The following GFM1 variants were observed in gnomAD, a reference collection of about 807,000 sequenced individuals.
GFM1 encodes G elongation factor mitochondrial 1.
GFM1 carries 62 observed loss-of-function variants against 96.2 expected under a neutral mutation model. The observed-to-expected ratio is 0.64, with a 90% CI of 0.53 to 0.80. The LOEUF (loss-of-function observed/expected upper bound fraction) is 0.80, where lower values mean the gene tolerates loss of function less well. Ranked by LOEUF, GFM1 falls within the 30% of genes least tolerant of loss-of-function variation. GFM1 has a pLI of 0.00. For synonymous variants in GFM1, 282 were observed against 312.9 expected (o/e 0.90, Z 1.04); for missense variants, 852 against 916.6 (o/e 0.93, Z 0.91).
chr3:158,658,943 A>G lies in GFM1; in HGVS notation c.1105A>G (p.Thr369Ala). The change falls in exon 9 of 18, where the codon ACT (threonine) becomes GCT (alanine). Residue 369 changes from threonine (T) to alanine (A), a missense_variant. Coordinates refer to ENST00000486715, the MANE Select transcript of GFM1 (RefSeq NM_024996.7). ...CTAGGTAGGTCGATTTGGACAATTA[A>G]CTTATGTTCGCAGTTATCAGGGAGA... ...KLEVGRFGQL[T>A]YVRSYQGELK... The G allele has an allele frequency of 3.7e-6, 6 of 1,614,172 alleles. No individual in the cohort carries two copies. Among genetic ancestry groups the G allele is most frequent in the Non-Finnish European group, 5.1e-6 (6 of 1,180,026 alleles).
chr3:158,646,684 T>G (rs1721831580), intron 3 of GFM1, 59 bp from the exon 4 acceptor site: 1 of 1,360,562 alleles, frequency 7.3e-7, no homozygotes, highest in East Asian at 2.4e-5. Flanking sequence ...CTTCTAATAG[T>G]GCATATATTA....
chr3:158,672,312 T>C, intron 13 of GFM1: 1 of 1,609,692 alleles, frequency 6.2e-7, no homozygotes, highest in Non-Finnish European at 8.5e-7. Flanking sequence ...AGCGCAATCC[T>C]GAAGCCTCTG....
In GFM1 at chr3:158,682,020, T is replaced by A; in HGVS notation, c.1627T>A (p.Ser543Thr). 6.2e-7 allele frequency: 1 copy of A among 1,613,438 alleles called. No individual in the cohort carries two copies. The highest frequency in any genetic ancestry group is 1.1e-5 in the South Asian group (1 of 90,992). Residue 543 changes from serine to threonine, a missense_variant, in exon 14 of 18, where the codon TCA (serine) becomes ACA (threonine). Physicochemically the swap from Ser to Thr is moderately conservative, Grantham distance 58. Coordinates refer to ENST00000486715, the MANE Select transcript of GFM1 (RefSeq NM_024996.7). Reference sequence around the variant, plus strand: ...GTTTGACTTTACACATAAAAAACAATCAGGTGGTGCAGGCCAGTATGGAAA... The same window carrying A: ...GTTTGACTTTACACATAAAAAACAAACAGGTGGTGCAGGCCAGTATGGAAA... ...VPFDFTHKKQ[S>T]GGAGQYGKVI...
Position 158,649,116 on chromosome 3 carries a change from T to C in GFM1, c.648T>C (p.Asp216=). The C allele has an allele frequency of 6.5e-7, 1 of 1,532,406 alleles. No homozygotes were observed. The highest frequency in any genetic ancestry group is 9.0e-7 in the Non-Finnish European group (1 of 1,106,354). The allele number at this position is 1,532,406 out of a possible 1,614,324, so 94.9% of individuals were successfully genotyped here. ...AGGGTAATTTTAAAGGTATTGTAGATCTTATTGAGGAACGAGCCATCTATT... is the reference window on the plus strand; with the variant it reads ...AGGGTAATTTTAAAGGTATTGTAGACCTTATTGAGGAACGAGCCATCTATT... The part of the protein sequence containing the change: ...GLEGNFKGIV[D]LIEERAIYFD... The change falls in exon 5 of 18, where the codon GAT becomes GAC. Residue 216 remains aspartate (D), a synonymous_variant. Coordinates refer to ENST00000486715, the MANE Select transcript of GFM1 (RefSeq NM_024996.7).
At chr3:158,654,232 T>C (rs1722550651) in intron 7 of GFM1, among the ~76,000 whole-genome samples, 1 of 144,166 alleles carries the variant, frequency 6.9e-6, no homozygotes, top group Non-Finnish European at 1.5e-5. Context: ...TTTTTTTTGT[T>C]GAGACAAAGT....
At chr3:158,690,900 C>T (rs978428482) in intron 16 of GFM1, among the ~76,000 whole-genome samples, 3 of 152,220 alleles carry the variant, frequency 2.0e-5, no homozygotes, top group African/African-American at 4.8e-5. Flanking sequence ...CAATGGTGTT[C>T]ACTCCACGAA....
chr3:158,691,361 A>T lies in GFM1; in HGVS notation c.2150A>T (p.Tyr717Phe), dbSNP rs1726303642. 1 of 1,613,900 alleles carries T rather than the reference A, an allele frequency of 6.2e-7. No homozygotes were observed. The highest frequency in any genetic ancestry group is 1.7e-5 in the Admixed American group (1 of 60,024). Residue 717 changes from tyrosine (Y) to phenylalanine (F), a missense_variant, in exon 18 of 18, where the codon TAT (tyrosine) becomes TTT (phenylalanine). Coordinates refer to ENST00000486715, the MANE Select transcript of GFM1 (RefSeq NM_024996.7). ...GGAAAGGGAGAATACACAATGGAGTATAGCAGGTATCAGCCATGTTTACCA... is the reference window on the plus strand; with the variant it reads ...GGAAAGGGAGAATACACAATGGAGTTTAGCAGGTATCAGCCATGTTTACCA... ...TEGKGEYTME[Y>F]SRYQPCLPST... is the part of the protein sequence containing the mutation.
At chr3:158,663,931 T>A (rs1355598972) in intron 11 of GFM1, among the ~76,000 whole-genome samples, 1 of 152,176 alleles carries the variant, frequency 6.6e-6, no homozygotes, top group African/African-American at 2.4e-5. Context: ...GCAGGCATGA[T>A]GTTTCTAATT....
chr3:158,648,603 G>A (rs1400084059), intron 4 of GFM1, among the ~76,000 whole-genome samples: 2 of 151,272 alleles, frequency 1.3e-5, no homozygotes, highest in African/African-American at 2.4e-5. Context: ...GCTTGAAGCC[G>A]GGAGGCGGAG....
intron 13 of GFM1, chr3:158,670,839 TG>T: frequency 7.9e-7 from 1 of 1,267,310 alleles, no homozygotes; most frequent in Non-Finnish European, 1.0e-6. Flanking sequence ...GAGGCTGAGG[TG>T]GGAAGATGGC....
chr3:158,666,284 AT>A lies in GFM1; in HGVS notation c.1519-16del. On this transcript the variant is annotated intron_variant, in intron 12 of 17. Transcript: ENST00000486715. ...GTTTATTTTTTTAAATTTAAATAAT[AT>A]TTTCCCCACTCTTTTTAGAGGCTGG... The A allele has an allele frequency of 1.3e-6, 2 of 1,581,158 alleles. No homozygotes were observed. Among genetic ancestry groups the A allele is most frequent in the Non-Finnish European group, 1.7e-6 (2 of 1,151,692 alleles).
intron 4 of GFM1, 135 bp downstream of exon 4, chr3:158,647,082 T>G: frequency 1.4e-6 from 1 of 720,458 alleles, no homozygotes; most frequent in East Asian, 2.7e-5. Context: ...TGTGAGTTAG[T>G]AAGTGGAACA....
At chr3:158,667,100 G>A (rs369991582) in intron 13 of GFM1, 69 of 1,551,238 alleles carry the variant, frequency 4.4e-5, no homozygotes, top group Non-Finnish European at 6.0e-5. Context: ...AAAACGTGTT[G>A]TTTAAAACTT....
At chr3:158,687,382 G>A (rs533503924) in intron 15 of GFM1, among the ~76,000 whole-genome samples, 1 of 152,096 alleles carries the variant, frequency 6.6e-6, no homozygotes, top group African/African-American at 2.4e-5. Flanking sequence ...AAGTTACATT[G>A]CTGTTTCTTC....
At chr3:158,688,578 ATC>A (rs1262093217) in intron 15 of GFM1, among the ~76,000 whole-genome samples, 1 of 152,170 alleles carries the variant, frequency 6.6e-6, no homozygotes, top group African/African-American at 2.4e-5. Flanking sequence ...CTGCTCACAT[ATC>A]TCCTTCTGGG....
At chr3:158,666,096 A>G (rs544683331) in intron 12 of GFM1, among the ~76,000 whole-genome samples, 39 of 152,334 alleles carry the variant, frequency 2.6e-4, no homozygotes, top group South Asian at 6.2e-4. Flanking sequence ...AAATTAATCA[A>G]TGTAACTTAG....
chr3:158,672,498 C>A (rs2108070514), intron 13 of GFM1: 2 of 1,613,360 alleles, frequency 1.2e-6, no homozygotes, highest in South Asian at 1.1e-5. Flanking sequence ...GCAGTGACTT[C>A]AGGGCTTGGG....
chr3:158,690,222 C>G lies in GFM1; in HGVS notation c.1969C>G (p.Pro657Ala). ...TATTATGGCTGTGGAAGTTGTAGCT[C>G]CAAATGAATTTCAGGGACAAGTAAT... is the stretch of plus-strand genomic sequence containing the variant. ...EPIMAVEVVA[P>A]NEFQGQVIAG... Residue 657 changes from proline to alanine, a missense_variant, in exon 16 of 18, where the codon CCA (proline) becomes GCA (alanine). By Grantham distance (27) the Pro-to-Ala change is conservative. Coordinates refer to ENST00000486715, the MANE Select transcript of GFM1 (RefSeq NM_024996.7). 2 of 1,613,604 alleles carry G rather than the reference C, an allele frequency of 1.2e-6. No homozygotes were observed. The highest frequency in any genetic ancestry group is 1.7e-6 in the Non-Finnish European group (2 of 1,179,758).
Position 158,645,663 on chromosome 3 carries a change from G to A in GFM1, c.116G>A (p.Gly39Glu). Residue 39 changes from glycine (G) to glutamate (E), a missense_variant, in exon 2 of 18, where the codon GGG becomes GAG. By Grantham distance (98) the Gly-to-Glu change is moderately conservative. Transcript: ENST00000486715. ...NWKACRWSSS[G>E]VIPNEKIRNI... ...AAGGCCTGCCGATGGTCTTCATCAG[G>A]GGTGATTCCTAATGAAAAAATACGA... 1 of 1,612,732 alleles carries A rather than the reference G, an allele frequency of 6.2e-7. No individual in the cohort carries two copies. The highest frequency in any genetic ancestry group is 1.1e-5 in the South Asian group (1 of 91,032).
Sources: gnomAD v4.1 joint callset for allele counts (sites outside exome capture counted in the v4.1 genomes callset) on GRCh38, gnomAD v4.1.1 for gene constraint, MANE v1.5 for transcripts, NCBI Gene and HGNC (gene_info 2026-07-23, HGNC 2026-07-21) for gene names.